SLC23A2: variants seen among roughly 807,000 people sequenced by gnomAD.
SLC23A2 encodes solute carrier family 23 member 2, also known as Na(+)/L-ascorbic acid transporter 2.
A neutral mutation model predicts 73.3 loss-of-function variants in SLC23A2; 36 were observed. The observed-to-expected ratio is 0.49, with a 90% confidence interval of 0.38 to 0.65. The LOEUF (loss-of-function observed/expected upper bound fraction) is 0.65, where lower values mean the gene tolerates loss of function less well. Ranked by LOEUF, SLC23A2 falls within the 30% of genes least tolerant of loss-of-function variation. The pLI is 0.00. For missense variants in SLC23A2, 507 were observed against 841.6 expected, an observed-to-expected ratio of 0.60 and a Z score of 4.92; for synonymous variants, 343 against 327.3, an observed-to-expected ratio of 1.05 and a Z score of -0.52.
intron 2 of SLC23A2, among the ~76,000 whole-genome samples, chr20:4,959,494 T>C (rs1568643067): frequency 1.3e-5 from 2 of 152,138 alleles, no homozygotes; most frequent in African/African-American, 4.8e-5. Flanking sequence ...GGCTTTATTT[T>C]TTATTTGTAT....
At chr20:4,903,883 A>C (rs1193865435) in intron 4 of SLC23A2, among the ~76,000 whole-genome samples, 1 of 152,240 alleles carries the variant, frequency 6.6e-6, no homozygotes, top group Non-Finnish European at 1.5e-5. Context: ...AGTGATGTAC[A>C]ATAAAGATTA....
At chr20:4,993,097 T>C (rs2122335600) in intron 1 of SLC23A2, among the ~76,000 whole-genome samples, 1 of 151,470 alleles carries the variant, frequency 6.6e-6, no homozygotes. Flanking sequence ...GCCAACACAG[T>C]GAAACCCCGT....
chr20:4,860,012 C>T (rs1261926037), intron 15 of SLC23A2, among the ~76,000 whole-genome samples: 1 of 152,154 alleles, frequency 6.6e-6, no homozygotes, highest in East Asian at 1.9e-4. Flanking sequence ...CAGAAACCCT[C>T]GTACATGGCT....
intron 7 of SLC23A2, 79 bp from the exon 8 acceptor site, chr20:4,884,902 A>C: frequency 1.2e-6 from 1 of 807,072 alleles, no homozygotes; most frequent in South Asian, 1.8e-5. Flanking sequence ...TTTAAGAAGA[A>C]TTTTCTCCCT....
At chr20:4,880,872 T>A (rs1164901872) in intron 9 of SLC23A2, among the ~76,000 whole-genome samples, 1 of 151,968 alleles carries the variant, frequency 6.6e-6, no homozygotes, top group Non-Finnish European at 1.5e-5. Flanking sequence ...CTAGCTTGTG[T>A]CTAACTGATG....
At chr20:4,916,394 G>A (rs1436324649) in intron 3 of SLC23A2, among the ~76,000 whole-genome samples, 4 of 152,178 alleles carry the variant, frequency 2.6e-5, no homozygotes, top group Non-Finnish European at 4.4e-5. Flanking sequence ...TCGGGTTGCT[G>A]CAGGGAACAG....
chr20:4,881,728 C>T (rs892913738), intron 9 of SLC23A2, among the ~76,000 whole-genome samples: 1 of 152,068 alleles, frequency 6.6e-6, no homozygotes, highest in African/African-American at 2.4e-5. Context: ...TACTGAAATT[C>T]TTCATGTGCT....
chr20:4,893,194 G>A (rs936909327), intron 6 of SLC23A2, among the ~76,000 whole-genome samples: 12 of 151,810 alleles, frequency 7.9e-5, no homozygotes, highest in Non-Finnish European at 5.9e-5. Context: ...CTCTCAAGTA[G>A]CTGGGACCAC....
At chr20:5,006,408 T>A (rs1372202313), upstream of SLC23A2, among the ~76,000 whole-genome samples, 1 of 151,994 alleles carries the variant, frequency 6.6e-6, no homozygotes, top group African/African-American at 2.4e-5. Flanking sequence ...ATATTGAGCA[T>A]AATATTTTTA....
Position 4,929,762 on chromosome 20 carries a change from A to C in SLC23A2, c.108+2693T>G, listed in dbSNP as rs182089482. Among the ~76,000 whole-genome samples, 7 of 152,370 alleles carry C rather than the reference A, an allele frequency of 4.6e-5. No individual in the cohort carries two copies. The East Asian group carries it at 1.3e-3, about 29-fold the overall frequency. On this transcript the variant is annotated intron_variant, in intron 3 of 16. Transcript: ENST00000338244. ...TCAACACAAATACATGACTGTATAC[A>C]AAAAATAAGTAAACCGGAAAATACT...
Position 4,853,395 on chromosome 20 carries a change from G to C in SLC23A2, c.*3577C>G, listed in dbSNP as rs765249305. On this transcript the variant is annotated 3_prime_UTR_variant, in exon 17 of 17. Coordinates refer to ENST00000338244, the MANE Select transcript of SLC23A2 (RefSeq NM_005116.6). ...ATGGCATCCGTATTACTGAAGATGA[G>C]ACTTGCCAACTTTAAGTTGCTAGTA... The C allele has an allele frequency of 7.2e-5, 11 of 152,620 alleles. 1 individual carries two copies. Among genetic ancestry groups the C allele is most frequent in the Non-Finnish European group, 2.9e-5 (2 of 68,044 alleles). The allele number at this position is 152,620 out of a possible 1,614,324, so 9.5% of individuals were successfully genotyped here.
intron 6 of SLC23A2, among the ~76,000 whole-genome samples, chr20:4,887,778 A>G (rs1213598172): frequency 6.6e-6 from 1 of 152,204 alleles, no homozygotes; most frequent in African/African-American, 2.4e-5. Flanking sequence ...GTTCACGTCT[A>G]GCCAGGCAAC....
rs1931672228 is a variant in SLC23A2, at chr20:4,899,596, A to G, written c.441T>C (p.Cys147=). ...TCTGTAGCAAAGTAGTGATTCCCAC[A>G]CAGAAGAAAATGGTCCCAATGAGCT... ...TSQLIGTIFF[C]VGITTLLQTT... The change falls in exon 6 of 17, where the codon TGT becomes TGC. Residue 147 remains cysteine (C), a synonymous_variant. Coordinates refer to ENST00000338244, the MANE Select transcript of SLC23A2 (RefSeq NM_005116.6). The surrounding 1 kb of genome is among the most constrained non-coding windows in gnomAD (Gnocchi z 4.9). 1 of 1,614,170 alleles carries G rather than the reference A, an allele frequency of 6.2e-7. No individual in the cohort carries two copies. The highest frequency in any genetic ancestry group is 2.2e-5 in the East Asian group (1 of 44,870).
At chr20:4,993,488 A>G (rs2087966162) in intron 1 of SLC23A2, among the ~76,000 whole-genome samples, 1 of 151,816 alleles carries the variant, frequency 6.6e-6, no homozygotes, top group Non-Finnish European at 1.5e-5. Context: ...GGTATATTCA[A>G]CCTGTACGTG....
In SLC23A2 at chr20:4,885,839, A is replaced by G; in HGVS notation, c.553T>C (p.Trp185Arg). 6.2e-7 allele frequency: 1 copy of G among 1,612,960 alleles called. No individual in the cohort carries two copies. The highest frequency in any genetic ancestry group is 8.5e-7 in the Non-Finnish European group (1 of 1,178,970). Residue 185 changes from tryptophan to arginine, a missense_variant, in exon 7 of 17, where the codon TGG becomes CGG. Trp to Arg is a moderately radical substitution (Grantham distance 101, BLOSUM62 -3). Coordinates refer to ENST00000338244, the MANE Select transcript of SLC23A2 (RefSeq NM_005116.6). The stretch of plus-strand genomic sequence containing the variant: ...CAATTACCTGTGGTGTTACATTTCC[A>G]TTTATCTAAAGACAGGATGGCTCGA... ...PARAILSLDKWKCNTTDVSVA... is the reference protein window; with the variant it reads ...PARAILSLDKRKCNTTDVSVA...
intron 4 of SLC23A2, among the ~76,000 whole-genome samples, chr20:4,910,970 G>A (rs1932123220): frequency 6.6e-6 from 1 of 152,152 alleles, no homozygotes; most frequent in Non-Finnish European, 1.5e-5. Context: ...TCAGTAAAAG[G>A]TAAAGCTAAG....
chr20:4,910,591 C>T (rs528993412), intron 4 of SLC23A2, among the ~76,000 whole-genome samples: 2 of 152,168 alleles, frequency 1.3e-5, no homozygotes, highest in East Asian at 3.9e-4. Context: ...GTGTGACACC[C>T]CTCCTGGCTA....
intron 1 of SLC23A2, among the ~76,000 whole-genome samples, chr20:4,984,935 G>A (rs751287681): frequency 4.6e-5 from 7 of 152,188 alleles, no homozygotes; most frequent in African/African-American, 1.4e-4. Context: ...TCAAGAGATC[G>A]AGACCGTCCT....
At chr20:4,941,760 TAATAAA>T (rs2087045966) in intron 2 of SLC23A2, among the ~76,000 whole-genome samples, 1 of 146,382 alleles carries the variant, frequency 6.8e-6, no homozygotes, top group Non-Finnish European at 1.5e-5. Context: ...GTTCTTATCA[TAATAAA>T]AATAAAAAAA....
Sources: allele counts gnomAD v4.1 joint callset (sites outside exome capture counted in the v4.1 genomes callset), GRCh38; gene constraint gnomAD v4.1.1; non-coding constraint Gnocchi (gnomAD v3.1); transcripts MANE v1.5; gene names NCBI Gene and HGNC (gene_info 2026-07-23, HGNC 2026-07-21).